SACM1L: variants seen among roughly 807,000 people sequenced by gnomAD.
The protein encoded by SACM1L is SAC1 like phosphatidylinositide phosphatase.
Under a neutral mutation model 89.5 loss-of-function variants are expected in SACM1L, and 32 were observed. That is an observed-to-expected ratio of 0.36 (90% CI 0.27 to 0.48). The LOEUF is 0.48. Ranked by LOEUF, SACM1L falls within the 20% of genes least tolerant of loss-of-function variation. The probability of loss-of-function intolerance (pLI) is 0.99; values close to 1 mark genes in which losing one functional copy is unlikely to be tolerated. For missense variants in SACM1L, 543 were observed against 708.5 expected (o/e 0.77, Z 2.65); for synonymous variants, 213 against 232.8 (o/e 0.92, Z 0.77).
At position 45,738,286 on chromosome 3, in the gene SACM1L, T is replaced by C. The variant is rs1440032914; in HGVS notation, c.1383-292T>C. On this transcript the variant is annotated intron_variant, in intron 16 of 19. Transcript: ENST00000389061. ...GAGCAGAATAAGATTTCTAGTCTGTTTGCTTTGCTGTGTCCTACCACTTAA... is the reference window on the plus strand; with the variant it reads ...GAGCAGAATAAGATTTCTAGTCTGTCTGCTTTGCTGTGTCCTACCACTTAA... 2.0e-5 allele frequency among the ~76,000 whole-genome samples: 3 copies of C among 152,226 alleles called. No homozygotes were observed. The East Asian group carries it at 5.8e-4, about 29-fold the overall frequency.
intron 1 of SACM1L, among the ~76,000 whole-genome samples, chr3:45,695,841 A>T (rs1225605100): frequency 6.6e-6 from 1 of 152,034 alleles, no homozygotes; most frequent in African/African-American, 2.4e-5. Context: ...GTATCCTCCC[A>T]GCCCCTGGCA....
intron 3 of SACM1L, 130 bp downstream of exon 3, chr3:45,705,339 T>TA: frequency 2.1e-6 from 1 of 472,416 alleles, no homozygotes; most frequent in South Asian, 4.8e-5. Context: ...CTTGGTTAAG[T>TA]ATTTATCATT....
At chr3:45,717,514 A>G (rs1217057084) in intron 7 of SACM1L, among the ~76,000 whole-genome samples, 3 of 152,242 alleles carry the variant, frequency 2.0e-5, no homozygotes, top group African/African-American at 7.2e-5. Context: ...GCAGATAAAT[A>G]GATTCAGGGT....
At chr3:45,740,976 C>A (rs751802525) in intron 19 of SACM1L, among the ~76,000 whole-genome samples, 3 of 152,114 alleles carry the variant, frequency 2.0e-5, no homozygotes, top group Non-Finnish European at 2.9e-5. Context: ...TAATATTTTG[C>A]TATGTTACTG....
intron 1 of SACM1L, among the ~76,000 whole-genome samples, chr3:45,695,453 G>A (rs1002860915): frequency 6.6e-6 from 1 of 152,050 alleles, no homozygotes. Flanking sequence ...TAGAGACAGA[G>A]TTTCACCATG....
chr3:45,724,278 G>T (rs1190416593), intron 11 of SACM1L, among the ~76,000 whole-genome samples: 1 of 145,712 alleles, frequency 6.9e-6, no homozygotes, highest in Non-Finnish European at 1.5e-5. Flanking sequence ...TCATATCCTT[G>T]CTGACAATTG....
intron 1 of SACM1L, among the ~76,000 whole-genome samples, chr3:45,698,460 T>C (rs549736934): frequency 7.2e-5 from 11 of 152,334 alleles, no homozygotes; most frequent in African/African-American, 2.6e-4. Flanking sequence ...ACAGCATCTC[T>C]CAGAGAGAGA....
Position 45,738,634 on chromosome 3 carries a change from G to A in SACM1L, c.1439G>A (p.Arg480Gln), listed in dbSNP as rs1334633812. The A allele has an allele frequency of 1.9e-6, 3 of 1,612,362 alleles. No homozygotes were observed. Among genetic ancestry groups the A allele is most frequent in the Non-Finnish European group, 1.7e-6 (2 of 1,178,662 alleles). ...LIMDGWNSMI[R>Q]YYKNNFSDGF... ...ATGGATGGCTGGAACTCAATGATAC[G>A]ATATTATAAGAACAACTTTTCCGAT... Residue 480 changes from arginine (R) to glutamine (Q), a missense_variant, in exon 17 of 20, where the codon CGA becomes CAA. Coordinates refer to ENST00000389061, the MANE Select transcript of SACM1L (RefSeq NM_014016.5).
At chr3:45,731,453 AGC>A in intron 12 of SACM1L, 73 bp downstream of exon 12, 1 of 913,200 alleles carries the variant, frequency 1.1e-6, no homozygotes, top group Non-Finnish European at 1.7e-6. Context: ...GATTACATAG[AGC>A]TCACTAGACA....
intron 7 of SACM1L, among the ~76,000 whole-genome samples, chr3:45,718,593 C>T (rs2125695049): frequency 6.6e-6 from 1 of 152,278 alleles, no homozygotes; most frequent in South Asian, 2.1e-4. Context: ...AACCAGCATC[C>T]TGTTTCCATC....
At position 45,717,023 on chromosome 3, in the gene SACM1L, T is replaced by C. The variant is rs528594733; in HGVS notation, c.578-2477T>C. ...ATCTGCCCTGCTCATTTTTGTGCCC[T>C]GGCTCGAAATAGATAATTTGGGTAA... On this transcript the variant is annotated intron_variant, in intron 7 of 19. Transcript: ENST00000389061. Among the ~76,000 whole-genome samples the C allele has an allele frequency of 7.9e-5, 12 of 152,344 alleles. No individual in the cohort carries two copies. In the South Asian group the frequency reaches 2.5e-3, roughly 32 times the overall value.
At chr3:45,737,948 A>G in intron 16 of SACM1L, 104 bp downstream of exon 16, 1 of 878,074 alleles carries the variant, frequency 1.1e-6, no homozygotes, top group African/African-American at 1.7e-5. Context: ...AACAACAGCA[A>G]GACTCCAGCA....
intron 12 of SACM1L, 60 bp from the exon 13 acceptor site, chr3:45,731,993 A>G (rs1699064765): frequency 2.0e-6 from 2 of 989,032 alleles, no homozygotes; most frequent in Non-Finnish European, 3.1e-6. Context: ...TGAAGGTATT[A>G]TTAATAGAAG....
chr3:45,691,088 G>T (rs1256440888), intron 1 of SACM1L, among the ~76,000 whole-genome samples: 3 of 152,196 alleles, frequency 2.0e-5, no homozygotes, highest in East Asian at 3.8e-4. Flanking sequence ...ATACATAAAA[G>T]AGAAAGGAAA....
At chr3:45,699,961 A>G (rs962859002) in intron 1 of SACM1L, among the ~76,000 whole-genome samples, 1 of 152,182 alleles carries the variant, frequency 6.6e-6, no homozygotes. Context: ...TGTACCTCCA[A>G]AGTTGTATGT....
At chr3:45,708,274 C>T (rs951497811) in intron 4 of SACM1L, among the ~76,000 whole-genome samples, 1 of 152,122 alleles carries the variant, frequency 6.6e-6, no homozygotes, top group African/African-American at 2.4e-5. Context: ...GTGTATGAAA[C>T]TTACATGAAT....
At chr3:45,707,361 T>C (rs1698422774) in intron 4 of SACM1L, 1 of 153,490 alleles carries the variant, frequency 6.5e-6, no homozygotes, top group African/African-American at 2.4e-5. Flanking sequence ...GTTTTCCTTT[T>C]GCACTATTCC....
intron 19 of SACM1L, among the ~76,000 whole-genome samples, chr3:45,741,323 A>T (rs74678039): frequency 0.024 from 3,579 of 152,256 alleles, 55 homozygotes; most frequent in Non-Finnish European, 0.04. Context: ...TTCCTCTTTT[A>T]ACCTCATTAA....
intron 11 of SACM1L, among the ~76,000 whole-genome samples, chr3:45,724,169 G>C (rs1428725064): frequency 6.6e-6 from 1 of 152,130 alleles, no homozygotes; most frequent in East Asian, 1.9e-4. Flanking sequence ...ATCATATGGT[G>C]ATTCTATGTT....
Sources: allele counts gnomAD v4.1 joint callset (sites outside exome capture counted in the v4.1 genomes callset), GRCh38; gene constraint gnomAD v4.1.1; transcripts MANE v1.5; gene names NCBI Gene and HGNC (gene_info 2026-07-23, HGNC 2026-07-21).